ADAMTS17: variants seen among roughly 807,000 people sequenced by gnomAD.
ADAMTS17 encodes the protein A disintegrin and metalloproteinase with thrombospondin motifs 17.
ADAMTS17 carries 113 observed loss-of-function variants against 141.5 expected under a neutral mutation model. The observed-to-expected ratio is 0.80, with a 90% CI of 0.69 to 0.93. The LOEUF (loss-of-function observed/expected upper bound fraction) is 0.93, where lower values mean the gene tolerates loss of function less well. Among genes scored for constraint, ADAMTS17 ranks in the 40% least tolerant of loss-of-function variants. The pLI is 0.00. For missense variants in ADAMTS17, 1,659 were observed against 1,517.9 expected (o/e 1.09, Z -1.54); for synonymous variants, 768 against 630.6 (o/e 1.22, Z -3.27).
intron 18 of ADAMTS17, among the ~76,000 whole-genome samples, chr15:100,022,623 G>C (rs2061426282): frequency 6.6e-6 from 1 of 152,214 alleles, no homozygotes. Flanking sequence ...GAGACCTTTA[G>C]CCACCCAGCC....
intron 17 of ADAMTS17, 91 bp downstream of exon 17, chr15:100,051,481 T>A: frequency 6.4e-7 from 1 of 1,559,734 alleles, no homozygotes; most frequent in East Asian, 2.2e-5. Context: ...AGGTTGCAGA[T>A]GTCTCACACT....
At chr15:100,016,419 T>C (rs995914189) in intron 18 of ADAMTS17, among the ~76,000 whole-genome samples, 38 of 152,298 alleles carry the variant, frequency 2.5e-4, no homozygotes, top group African/African-American at 8.4e-4. Flanking sequence ...GTGTGAGTTT[T>C]TTGGGGGTAC....
chr15:99,993,114 C>T lies in ADAMTS17; in HGVS notation c.2883G>A (p.Pro961=), dbSNP rs550282581. 2.4e-5 allele frequency: 39 copies of T among 1,614,164 alleles called. No homozygotes were observed. The highest frequency in any genetic ancestry group is 1.9e-4 in the African/African-American group (14 of 75,056). Residue 961 remains proline, a synonymous_variant, in exon 20 of 22, where the codon CCG becomes CCA. Coordinates refer to ENST00000268070, the MANE Select transcript of ADAMTS17 (RefSeq NM_139057.4). The surrounding 1 kb of genome is among the most constrained non-coding windows in gnomAD (Gnocchi z 4.3). ...AGTCCTCGCAGGCCTCCTCGGCTCT[C>T]GGCCTCGTGGATGCGTCGCATTTCC... ...SQGKCDASTR[P]RAEEACEDYS...
At chr15:100,145,519 G>C (rs183221875) in intron 10 of ADAMTS17, among the ~76,000 whole-genome samples, 1 of 152,222 alleles carries the variant, frequency 6.6e-6, no homozygotes, top group Non-Finnish European at 1.5e-5. Flanking sequence ...AAGATGTCAC[G>C]ACACCACTGG....
At chr15:100,292,773 C>T (rs1219480990) in intron 3 of ADAMTS17, among the ~76,000 whole-genome samples, 2 of 152,228 alleles carry the variant, frequency 1.3e-5, no homozygotes, top group Non-Finnish European at 2.9e-5. Context: ...TATCACCATT[C>T]ATTCTGCCCT....
chr15:100,220,326 G>C (rs958873477), intron 7 of ADAMTS17, among the ~76,000 whole-genome samples: 4 of 152,150 alleles, frequency 2.6e-5, no homozygotes, highest in Admixed American at 6.5e-5. Context: ...CCTAAGTGGG[G>C]TGGCAGCGGA....
chr15:99,981,182 G>C (rs1029968303), intron 20 of ADAMTS17, among the ~76,000 whole-genome samples: 9 of 152,208 alleles, frequency 5.9e-5, no homozygotes, highest in African/African-American at 2.2e-4. Flanking sequence ...CAAAGAACCA[G>C]GTCACTGCCC....
chr15:100,339,196 G>A (rs2046292531), intron 2 of ADAMTS17: 1 of 977,526 alleles, frequency 1.0e-6, no homozygotes, highest in Non-Finnish European at 1.2e-6. Context: ...CTAAAGGGAA[G>A]GACAGTCTTG....
chr15:100,285,468 A>G (rs946682151), intron 3 of ADAMTS17, among the ~76,000 whole-genome samples: 1 of 152,236 alleles, frequency 6.6e-6, no homozygotes, highest in African/African-American at 2.4e-5. Flanking sequence ...CCAGGTATTT[A>G]TTAGGGAAAA....
chr15:100,129,231 G>A (rs775159100), intron 12 of ADAMTS17: 8 of 152,206 alleles, frequency 5.3e-5, no homozygotes, highest in South Asian at 2.1e-4. Flanking sequence ...AATCACAAAC[G>A]TGGAGCACCC....
At chr15:100,106,943 C>G (rs1246973314) in intron 14 of ADAMTS17, among the ~76,000 whole-genome samples, 1 of 152,236 alleles carries the variant, frequency 6.6e-6, no homozygotes, top group Non-Finnish European at 1.5e-5. Flanking sequence ...CCACTCATCA[C>G]TGCCTCCCTC....
chr15:100,127,131 G>T (rs963423296), intron 12 of ADAMTS17, among the ~76,000 whole-genome samples: 1 of 152,148 alleles, frequency 6.6e-6, no homozygotes, highest in Non-Finnish European at 1.5e-5. Context: ...AGGAGGCTTC[G>T]AGGCTGCAGG....
At chr15:100,337,690 T>C (rs929462461) in intron 2 of ADAMTS17, among the ~76,000 whole-genome samples, 3 of 152,210 alleles carry the variant, frequency 2.0e-5, no homozygotes, top group Admixed American at 6.5e-5. Context: ...CAAGAAAGGA[T>C]GGCCACTGCT....
At chr15:99,994,763 C>T (rs1366447034) in intron 19 of ADAMTS17, among the ~76,000 whole-genome samples, 1 of 152,172 alleles carries the variant, frequency 6.6e-6, no homozygotes, top group Non-Finnish European at 1.5e-5. Flanking sequence ...GACAGGGTTT[C>T]ACCATGTTAG....
intron 15 of ADAMTS17, among the ~76,000 whole-genome samples, chr15:100,078,991 A>G (rs2034560033): frequency 6.6e-6 from 1 of 152,264 alleles, no homozygotes; most frequent in South Asian, 2.1e-4. Flanking sequence ...TCATTAGGGA[A>G]GTGCAAACCA....
intron 13 of ADAMTS17, among the ~76,000 whole-genome samples, chr15:100,110,176 T>C (rs1476962431): frequency 6.8e-6 from 1 of 147,338 alleles, no homozygotes; most frequent in Non-Finnish European, 1.5e-5. Context: ...AGTATATATA[T>C]ATATATTTAT....
At chr15:100,192,552 C>A (rs960095023) in intron 8 of ADAMTS17, among the ~76,000 whole-genome samples, 2 of 152,224 alleles carry the variant, frequency 1.3e-5, no homozygotes, top group Non-Finnish European at 2.9e-5. Flanking sequence ...GCCGGCCCAT[C>A]TGATGTCTGT....
chr15:100,050,761 G>C (rs1299954191), intron 17 of ADAMTS17, among the ~76,000 whole-genome samples: 2 of 152,182 alleles, frequency 1.3e-5, no homozygotes, highest in African/African-American at 4.8e-5. Context: ...CAGAGTCCAG[G>C]TCAACCTTCT....
At chr15:100,314,431 A>G (rs2045498423) in intron 3 of ADAMTS17, among the ~76,000 whole-genome samples, 1 of 152,216 alleles carries the variant, frequency 6.6e-6, no homozygotes, top group Non-Finnish European at 1.5e-5. Context: ...AATTAGTCTC[A>G]AGTGGTTCAG....
Sources: allele counts gnomAD v4.1 joint callset (sites outside exome capture counted in the v4.1 genomes callset), GRCh38; gene constraint gnomAD v4.1.1; non-coding constraint Gnocchi (gnomAD v3.1); transcripts MANE v1.5; gene names NCBI Gene and HGNC (gene_info 2026-07-23, HGNC 2026-07-21).